Variants in RAI1 observed in about 807,000 individuals in gnomAD.
The protein encoded by RAI1 is retinoic acid induced 1, also known as retinoic acid-induced protein 1.
In RAI1, 9 loss-of-function variants were observed where a neutral mutation model predicts 123.8. The ratio of observed to expected loss-of-function variants is 0.07; its 90% CI spans 0.04 to 0.13. The LOEUF (loss-of-function observed/expected upper bound fraction) is 0.13. RAI1 is among the 10% of genes least tolerant of loss of function. The pLI is 1.00. For synonymous variants in RAI1, 1,231 were observed against 1,127.3 expected (o/e 1.09, Z -1.84); for missense variants, 2,256 against 2,545.8 (o/e 0.89, Z 2.45).
At chr17:17,743,113 C>T (rs1477050456) in intron 2 of RAI1, among the ~76,000 whole-genome samples, 4 of 152,288 alleles carry the variant, frequency 2.6e-5, no homozygotes, top group African/African-American at 7.2e-5. Context: ...CTTAGCCTCC[C>T]GAGTAGTTGG....
intron 2 of RAI1, among the ~76,000 whole-genome samples, chr17:17,745,654 T>G (rs956427816): frequency 6.6e-6 from 1 of 152,190 alleles, no homozygotes; most frequent in African/African-American, 2.4e-5. Context: ...CGCCTTGGCC[T>G]CCCAGAGTGC....
At chr17:17,784,475 C>A (rs1043606403) in intron 2 of RAI1, among the ~76,000 whole-genome samples, 2 of 152,240 alleles carry the variant, frequency 1.3e-5, no homozygotes, top group African/African-American at 4.8e-5. Context: ...GCTGGGCGTC[C>A]TGCACAAGCC....
At chr17:17,689,018 C>G (rs1428462965) in intron 1 of RAI1, among the ~76,000 whole-genome samples, 2 of 151,300 alleles carry the variant, frequency 1.3e-5, no homozygotes, top group Non-Finnish European at 2.9e-5. Context: ...TGCAGTGGCT[C>G]GACCTCGGCT....
At chr17:17,736,179 G>T (rs1916426304) in intron 2 of RAI1, among the ~76,000 whole-genome samples, 1 of 152,330 alleles carries the variant, frequency 6.6e-6, no homozygotes, top group East Asian at 1.9e-4. Context: ...ACTTGGGCCA[G>T]TGGAGGTGTT....
At chr17:17,755,651 C>T (rs2030410448) in intron 2 of RAI1, among the ~76,000 whole-genome samples, 1 of 152,190 alleles carries the variant, frequency 6.6e-6, no homozygotes, top group Non-Finnish European at 1.5e-5. Context: ...GGTGCGTCCC[C>T]CCAGATCCTT....
chr17:17,708,610 C>T (rs1395438641), intron 1 of RAI1, among the ~76,000 whole-genome samples: 1 of 152,096 alleles, frequency 6.6e-6, no homozygotes, highest in Non-Finnish European at 1.5e-5. Context: ...TCTTAGGGGT[C>T]CCCTGGGTTG....
In RAI1 at chr17:17,796,558, A is replaced by G; in HGVS notation, c.3610A>G (p.Arg1204Gly). The change falls in exon 3 of 6, where the codon AGG becomes GGG. Residue 1204 changes from arginine (R) to glycine (G), a missense_variant. By Grantham distance (125) the Arg-to-Gly change is moderately radical. Around this residue, in one of 7 missense-constraint regions of RAI1, gnomAD observed 322 missense variants for 358.0 expected, o/e 0.90. Coordinates refer to ENST00000353383, the MANE Select transcript of RAI1 (RefSeq NM_030665.4). The surrounding 1 kb of genome is among the most constrained non-coding windows in gnomAD (Gnocchi z 5.8). ...QKEGRVSQRA[R>G]VPKPGAGSKL... ...GGAGGGCAGGGTGAGCCAGCGGGCA[A>G]GGGTCCCCAAACCTGGTGCAGGCAG... 1.2e-6 allele frequency: 2 copies of G among 1,611,200 alleles called. No individual in the cohort carries two copies. The highest frequency in any genetic ancestry group is 1.7e-6 in the Non-Finnish European group (2 of 1,179,966).
intron 1 of RAI1, among the ~76,000 whole-genome samples, chr17:17,690,953 G>A (rs1914816427): frequency 6.6e-6 from 1 of 152,216 alleles, no homozygotes. Context: ...ATAGCTATGG[G>A]CAAACAGCAT....
intron 1 of RAI1, among the ~76,000 whole-genome samples, chr17:17,700,720 C>T (rs1222677980): frequency 1.3e-5 from 2 of 152,090 alleles, no homozygotes; most frequent in Non-Finnish European, 2.9e-5. Flanking sequence ...CTCTCGTCCT[C>T]GGGGCGCGGC....
intron 2 of RAI1, among the ~76,000 whole-genome samples, chr17:17,757,545 G>A (rs1369020678): frequency 2.6e-5 from 4 of 152,152 alleles, no homozygotes; most frequent in Non-Finnish European, 5.9e-5. Context: ...TCTTGGGACA[G>A]CAGGACCCCA....
At chr17:17,751,563 C>G (rs924136529) in intron 2 of RAI1, among the ~76,000 whole-genome samples, 4 of 152,234 alleles carry the variant, frequency 2.6e-5, no homozygotes, top group African/African-American at 9.6e-5. Context: ...CTGGACTGAG[C>G]ACCTGCTGGC....
intron 1 of RAI1, among the ~76,000 whole-genome samples, chr17:17,687,746 G>A (rs551953646): frequency 9.2e-5 from 14 of 152,134 alleles, no homozygotes; most frequent in Admixed American, 4.6e-4. Flanking sequence ...CATTAAAGGT[G>A]AGCTGGGGCG....
intron 2 of RAI1, among the ~76,000 whole-genome samples, chr17:17,783,838 C>G (rs2031718726): frequency 6.6e-6 from 1 of 152,130 alleles, no homozygotes. Context: ...CAGAGCCGGC[C>G]CCGCTTCGTT....
chr17:17,779,768 AC>A, intron 2 of RAI1, among the ~76,000 whole-genome samples: 1 of 68,838 alleles, frequency 1.5e-5, no homozygotes, highest in South Asian at 3.6e-4. Flanking sequence ...TCCCCTCCCC[AC>A]CCTTTTTTTT....
At chr17:17,788,526 C>G (rs1332970326) in intron 2 of RAI1, among the ~76,000 whole-genome samples, 1 of 152,228 alleles carries the variant, frequency 6.6e-6, no homozygotes, top group Non-Finnish European at 1.5e-5. Context: ...CTCCTCTGCC[C>G]TGTCCTCAGC....
intron 1 of RAI1, among the ~76,000 whole-genome samples, chr17:17,721,137 C>T (rs555999080): frequency 7.2e-5 from 11 of 152,142 alleles, no homozygotes; most frequent in African/African-American, 2.2e-4. Flanking sequence ...GTGAGTCTTC[C>T]GACATGTCCT....
In RAI1 at chr17:17,802,063, G is replaced by A. The variant is rs979921023; in HGVS notation, c.5566-1693G>A. The A allele has an allele frequency of 8.7e-5, 41 of 470,698 alleles. 1 individual carries two copies. The highest frequency in any genetic ancestry group is 6.1e-4 in the Admixed American group (26 of 42,576). 29.2% of individuals were successfully genotyped at this position (470,698 alleles called of 1,614,324 possible). On this transcript the variant is annotated intron_variant, in intron 3 of 5. Transcript: ENST00000353383. Reference sequence around the variant, plus strand: ...AGCACGGTGGCACTGTGGCTCTGGCGCCTGGTGACTTCTCCCTCCCCGGCC... The same window carrying A: ...AGCACGGTGGCACTGTGGCTCTGGCACCTGGTGACTTCTCCCTCCCCGGCC...
Position 17,731,557 on chromosome 17 carries a change from C to G in RAI1, c.-17+7398C>G, listed in dbSNP as rs564542796. Among the ~76,000 whole-genome samples the G allele has an allele frequency of 2.0e-4, 31 of 152,232 alleles. 1 individual carries two copies. The South Asian group carries it at 6.2e-3, about 31-fold the overall frequency. On this transcript the variant is annotated intron_variant, in intron 2 of 5. Coordinates refer to ENST00000353383, the MANE Select transcript of RAI1 (RefSeq NM_030665.4). ...TGGGTGCTCTGGGCAGTGAGCACCG[C>G]TGGAGCAAAGTCTCGGCAGTGGGAA...
At chr17:17,718,248 C>T (rs538491573) in intron 1 of RAI1, among the ~76,000 whole-genome samples, 44 of 152,254 alleles carry the variant, frequency 2.9e-4, no homozygotes, top group African/African-American at 9.9e-4. Context: ...ATCCTGGAAT[C>T]AGGGGAGTTG....
Sources: gnomAD v4.1 joint callset for allele counts (sites outside exome capture counted in the v4.1 genomes callset) on GRCh38, gnomAD v4.1.1 for gene constraint, gnomAD v4.1.1 regional missense constraint, Gnocchi (gnomAD v3.1) non-coding constraint, MANE v1.5 for transcripts, NCBI Gene and HGNC (gene_info 2026-07-23, HGNC 2026-07-21) for gene names.